KIAA1958: variants seen among roughly 807,000 people sequenced by gnomAD.
KIAA1958 encodes uncharacterized protein KIAA1958.
KIAA1958 carries 14 observed loss-of-function variants against 47.2 expected under a neutral mutation model. That is an observed-to-expected ratio of 0.30 (90% confidence interval 0.20 to 0.46). KIAA1958 has a LOEUF of 0.46. Ranked by LOEUF, KIAA1958 falls within the 20% of genes least tolerant of loss-of-function variation. The pLI is 1.00. For missense variants in KIAA1958, 803 were observed against 909.2 expected, an observed-to-expected ratio of 0.88 and a Z score of 1.50; for synonymous variants, 354 against 353.3, an observed-to-expected ratio of 1.00 and a Z score of -0.02.
intron 2 of KIAA1958, among the ~76,000 whole-genome samples, chr9:112,634,792 A>G (rs1298293904): frequency 6.6e-6 from 1 of 151,852 alleles, no homozygotes; most frequent in East Asian, 1.9e-4. Flanking sequence ...TCCACTTTTT[A>G]CTTTTGGGGT....
At chr9:112,506,408 A>G (rs1473581597) in intron 1 of KIAA1958, among the ~76,000 whole-genome samples, 1 of 152,202 alleles carries the variant, frequency 6.6e-6, no homozygotes, top group East Asian at 1.9e-4. Flanking sequence ...GTGAGCCGAG[A>G]TCACGCCACT....
At chr9:112,505,916 G>A (rs1834226251) in intron 1 of KIAA1958, among the ~76,000 whole-genome samples, 1 of 152,306 alleles carries the variant, frequency 6.6e-6, no homozygotes, top group South Asian at 2.1e-4. Flanking sequence ...CAGCAGTGAG[G>A]GGGGATCAAA....
intron 2 of KIAA1958, among the ~76,000 whole-genome samples, chr9:112,625,932 C>CAA (rs962597892): frequency 6.6e-6 from 1 of 152,150 alleles, no homozygotes; most frequent in Non-Finnish European, 1.5e-5. Context: ...AGATTATGAA[C>CAA]AAAAATACAT....
chr9:112,620,828 G>A (rs1326283295), intron 2 of KIAA1958, among the ~76,000 whole-genome samples: 1 of 151,654 alleles, frequency 6.6e-6, no homozygotes, highest in Non-Finnish European at 1.5e-5. Flanking sequence ...ACACAGATAA[G>A]GATAAAGAAA....
intron 1 of KIAA1958, among the ~76,000 whole-genome samples, chr9:112,560,134 A>G (rs1835301476): frequency 6.6e-6 from 1 of 151,722 alleles, no homozygotes; most frequent in South Asian, 2.1e-4. Flanking sequence ...CTAGGCCTCA[A>G]GCAATCCTTC....
intron 1 of KIAA1958, among the ~76,000 whole-genome samples, chr9:112,487,793 TAGG>T (rs1833888967): frequency 6.6e-6 from 1 of 151,570 alleles, no homozygotes; most frequent in African/African-American, 2.4e-5. Context: ...TTCCCCTGGG[TAGG>T]AGGAGGTTGG....
chr9:112,635,810 G>A (rs947887603), intron 2 of KIAA1958, among the ~76,000 whole-genome samples: 1 of 151,710 alleles, frequency 6.6e-6, no homozygotes, highest in Non-Finnish European at 1.5e-5. Context: ...TTTCAAATCC[G>A]TCTCTTACAT....
chr9:112,565,307 T>A (rs1564174187), intron 1 of KIAA1958, among the ~76,000 whole-genome samples: 1 of 152,264 alleles, frequency 6.6e-6, no homozygotes, highest in Non-Finnish European at 1.5e-5. Flanking sequence ...TGTTACCACC[T>A]TGCCTAGGCT....
At chr9:112,597,160 G>C (rs567206234) in intron 2 of KIAA1958, among the ~76,000 whole-genome samples, 45 of 152,274 alleles carry the variant, frequency 3.0e-4, no homozygotes, top group Middle Eastern at 3.4e-3. Context: ...TGTTAACAAA[G>C]GTGATCTTAT....
chr9:112,577,026 AAAT>A (rs1691740363), intron 2 of KIAA1958, among the ~76,000 whole-genome samples: 1 of 152,166 alleles, frequency 6.6e-6, no homozygotes, highest in African/African-American at 2.4e-5. Flanking sequence ...ATGTTTAAAA[AAAT>A]AATAAATATC....
At chr9:112,635,784 G>T (rs989190846) in intron 2 of KIAA1958, among the ~76,000 whole-genome samples, 1 of 151,716 alleles carries the variant, frequency 6.6e-6, no homozygotes, top group Admixed American at 6.6e-5. Context: ...TCTTCTTCTT[G>T]CTAGTTTATT....
At chr9:112,641,071 A>G (rs1475252989) in intron 2 of KIAA1958, among the ~76,000 whole-genome samples, 1 of 152,026 alleles carries the variant, frequency 6.6e-6, no homozygotes, top group East Asian at 1.9e-4. Flanking sequence ...TTGCCACATT[A>G]CTGAATGTTA....
At position 112,544,886 on chromosome 9, in the gene KIAA1958, G is replaced by A. The variant is rs1189333977; in HGVS notation, c.-24-29171G>A. Among the ~76,000 whole-genome samples, 3 of 151,992 alleles carry A rather than the reference G, an allele frequency of 2.0e-5. No homozygotes were observed. The East Asian group carries it at 5.8e-4, about 29-fold the overall frequency. ...ATCTTAGGAAAAGAAATTTTCCCCA[G>A]CTACAATCTAATTTTTAATCTTTTT... On this transcript the variant is annotated intron_variant, in intron 1 of 3. Coordinates refer to ENST00000337530, the MANE Select transcript of KIAA1958 (RefSeq NM_133465.4).
At chr9:112,495,418 T>C (rs1326259594) in intron 1 of KIAA1958, among the ~76,000 whole-genome samples, 1 of 152,206 alleles carries the variant, frequency 6.6e-6, no homozygotes, top group Non-Finnish European at 1.5e-5. Flanking sequence ...CCTTTGTTGC[T>C]TATCTGAAGT....
In KIAA1958 at chr9:112,660,952, G is replaced by T. The variant is rs1837267361; in HGVS notation, c.*883G>T. The T allele has an allele frequency of 6.6e-6, 1 of 152,178 alleles. No homozygotes were observed. 9.4% of individuals were successfully genotyped at this position (152,178 alleles called of 1,614,324 possible). A position where few individuals can be genotyped will look rare whatever the true frequency, so the allele number is the denominator to read the frequency against. ...GGAACATTTTTTGAGGTTTCTGTCT[G>T]TTCTTCGTGTCATCCCATTATTCGG... is the stretch of plus-strand genomic sequence containing the variant. On this transcript the variant is annotated 3_prime_UTR_variant, in exon 4 of 4. Transcript: ENST00000337530.
intron 1 of KIAA1958, among the ~76,000 whole-genome samples, chr9:112,511,336 A>G (rs988709529): frequency 1.3e-5 from 2 of 152,240 alleles, no homozygotes; most frequent in African/African-American, 4.8e-5. Flanking sequence ...TCTGATGTAC[A>G]GAAAAGTTTG....
chr9:112,509,858 C>CATA (rs1564153533), intron 1 of KIAA1958, among the ~76,000 whole-genome samples: 1 of 152,080 alleles, frequency 6.6e-6, no homozygotes, highest in Non-Finnish European at 1.5e-5. Context: ...ATGGAGAAGC[C>CATA]ACTGTGATGA....
At chr9:112,600,945 A>G (rs1836120955) in intron 2 of KIAA1958, among the ~76,000 whole-genome samples, 1 of 152,180 alleles carries the variant, frequency 6.6e-6, no homozygotes, top group African/African-American at 2.4e-5. Flanking sequence ...TACCCATTTT[A>G]CAATTGAAGA....
chr9:112,527,433 A>G (rs574494305), intron 1 of KIAA1958, among the ~76,000 whole-genome samples: 1 of 152,290 alleles, frequency 6.6e-6, no homozygotes, highest in Non-Finnish European at 1.5e-5. Flanking sequence ...TGGCTGGAGG[A>G]AAGTAACACA....
Sources: gnomAD v4.1 joint callset for allele counts (sites outside exome capture counted in the v4.1 genomes callset) on GRCh38, gnomAD v4.1.1 for gene constraint, MANE v1.5 for transcripts, NCBI Gene and HGNC (gene_info 2026-07-23, HGNC 2026-07-21) for gene names.